DLG1: variants seen among roughly 807,000 people sequenced by gnomAD.
DLG1 encodes disks large homolog 1.
A neutral mutation model predicts 123.4 loss-of-function variants in DLG1; 42 were observed. That is an observed-to-expected ratio of 0.34 (90% confidence interval 0.27 to 0.44). DLG1 has a LOEUF of 0.44. Among genes scored for constraint, DLG1 ranks in the 20% least tolerant of loss-of-function variants. The probability of loss-of-function intolerance (pLI) is 1.00; values close to 1 mark genes in which losing one functional copy is unlikely to be tolerated. For synonymous variants in DLG1, 317 were observed against 356.2 expected (o/e 0.89, Z 1.24); for missense variants, 942 against 1,082.6 (o/e 0.87, Z 1.82).
At chr3:197,157,258 T>C (rs961935078) in intron 5 of DLG1, among the ~76,000 whole-genome samples, 5 of 152,196 alleles carry the variant, frequency 3.3e-5, no homozygotes, top group African/African-American at 7.2e-5. Flanking sequence ...ACAAATGATA[T>C]GATCTTATAT....
intron 16 of DLG1, among the ~76,000 whole-genome samples, chr3:197,083,562 G>A (rs960292950): frequency 1.3e-4 from 20 of 152,098 alleles, no homozygotes; most frequent in African/African-American, 4.8e-4. Context: ...GCACTTCACA[G>A]GCCTTAGAAG....
intron 3 of DLG1, among the ~76,000 whole-genome samples, chr3:197,293,605 G>T (rs922517036): frequency 6.4e-5 from 9 of 139,722 alleles, no homozygotes; most frequent in African/African-American, 2.4e-4. Context: ...TCAACTACAG[G>T]GGGGGACACC....
At chr3:197,072,400 A>C (rs965042829) in intron 18 of DLG1, among the ~76,000 whole-genome samples, 2 of 152,100 alleles carry the variant, frequency 1.3e-5, no homozygotes, top group Admixed American at 6.6e-5. Context: ...AATACATTAA[A>C]AGCAGGCATT....
At chr3:197,080,130 C>T (rs1749934345) in intron 17 of DLG1, among the ~76,000 whole-genome samples, 1 of 151,696 alleles carries the variant, frequency 6.6e-6, no homozygotes, top group Admixed American at 6.6e-5. Flanking sequence ...GAATTACATC[C>T]ACCAATACGG....
At chr3:197,153,307 A>T (rs1178632358) in intron 5 of DLG1, among the ~76,000 whole-genome samples, 1 of 152,220 alleles carries the variant, frequency 6.6e-6, no homozygotes, top group African/African-American at 2.4e-5. Flanking sequence ...ACACAATTTT[A>T]GTGGCAGCAT....
intron 4 of DLG1, among the ~76,000 whole-genome samples, chr3:197,205,909 C>T (rs1432673969): frequency 6.6e-6 from 1 of 152,214 alleles, no homozygotes; most frequent in East Asian, 1.9e-4. Flanking sequence ...CCACCAATGT[C>T]AGGCCAAGTC....
chr3:197,126,458 A>ACTC (rs1779166104), intron 11 of DLG1, among the ~76,000 whole-genome samples: 1 of 151,630 alleles, frequency 6.6e-6, no homozygotes, highest in East Asian at 1.9e-4. Flanking sequence ...CAAGAGCGAA[A>ACTC]CTCCATCTTA....
chr3:197,071,741 T>C (rs1744079941), intron 18 of DLG1, among the ~76,000 whole-genome samples: 1 of 152,138 alleles, frequency 6.6e-6, no homozygotes, highest in Non-Finnish European at 1.5e-5. Flanking sequence ...ACAAAGAGTG[T>C]CTCTGCCATC....
rs1306451100 is a variant in DLG1, at chr3:197,051,621, T to C, written c.2531A>G (p.Glu844Gly). The part of the protein sequence containing the change: ...LTEEQARKTF[E>G]RAMKLEQEFT... ...CTCCTGTTCCAGTTTCATGGCTCTC[T>C]CAAATGTTTTTCTGGCTTGTTCTTC... is the stretch of plus-strand genomic sequence containing the variant. The change falls in exon 24 of 25, where the codon GAG becomes GGG. Residue 844 changes from glutamate to glycine, a missense_variant. By Grantham distance (98) the Glu-to-Gly change is moderately conservative. Coordinates refer to ENST00000667157, the MANE Select transcript of DLG1 (RefSeq NM_001366207.1). 1.1e-5 allele frequency: 18 copies of C among 1,613,924 alleles called. No homozygotes were observed. The highest frequency in any genetic ancestry group is 1.3e-5 in the Non-Finnish European group (15 of 1,179,960).
chr3:197,267,753 G>A (rs1276413735), intron 4 of DLG1, among the ~76,000 whole-genome samples: 3 of 151,748 alleles, frequency 2.0e-5, no homozygotes, highest in Non-Finnish European at 4.4e-5. Flanking sequence ...TTCTTTTCCC[G>A]AGATAACCTC....
intron 10 of DLG1, among the ~76,000 whole-genome samples, chr3:197,133,448 T>C (rs1783627746): frequency 6.6e-6 from 1 of 152,222 alleles, no homozygotes; most frequent in Admixed American, 6.5e-5. Context: ...CTATCCAATC[T>C]GCAGAATTGT....
rs1007057512 is a variant in DLG1 at position 197,043,644 on chromosome 3, A to G, written c.*979T>C. On this transcript the variant is annotated 3_prime_UTR_variant, in exon 25 of 25. Coordinates refer to ENST00000667157, the MANE Select transcript of DLG1 (RefSeq NM_001366207.1). ...TAATTCCCATAGTTACAGTTTAAAGAAAGTTTTATATATATATTTATATAT... is the reference window on the plus strand; with the variant it reads ...TAATTCCCATAGTTACAGTTTAAAGGAAGTTTTATATATATATTTATATAT... 6 of 150,812 alleles carry G rather than the reference A, an allele frequency of 4.0e-5. No homozygotes were observed. Among genetic ancestry groups the G allele is most frequent in the East Asian group, 1.9e-4 (1 of 5,184 alleles). The allele number at this position is 150,812 out of a possible 1,614,324, so 9.3% of individuals were successfully genotyped here. A position where few individuals can be genotyped will look rare whatever the true frequency, so the allele number is the denominator to read the frequency against.
intron 18 of DLG1, chr3:197,069,570 C>A: frequency 5.0e-6 from 1 of 198,772 alleles, no homozygotes; most frequent in Non-Finnish European, 1.0e-5. Context: ...ACATAAAACT[C>A]AAAGGAGAAA....
chr3:197,163,977 AT>A (rs1464345344), intron 5 of DLG1, among the ~76,000 whole-genome samples: 1 of 152,208 alleles, frequency 6.6e-6, no homozygotes, highest in Non-Finnish European at 1.5e-5. Flanking sequence ...CCAATAAAAA[AT>A]ATTCCAAAAA....
At chr3:197,092,866 C>T (rs894901353) in intron 14 of DLG1, among the ~76,000 whole-genome samples, 1 of 152,126 alleles carries the variant, frequency 6.6e-6, no homozygotes, top group African/African-American at 2.4e-5. Context: ...CAAGTGGATA[C>T]ACATTTAGAT....
Position 197,194,558 on chromosome 3 carries a change from G to A in DLG1, c.350C>T (p.Pro117Leu), listed in dbSNP as rs1273217820. ...KYRYQDEDTPPQEHISPQITN... is the reference protein window; with the variant it reads ...KYRYQDEDTPLQEHISPQITN... ...GATTTGTGGGGAAATATGCTCTTGA[G>A]GAGGTGTATCTTCATCCTGATACCT... Residue 117 changes from proline (P) to leucine (L), a missense_variant, in exon 5 of 25, where the codon CCT becomes CTT. Transcript: ENST00000667157. 2 of 1,604,098 alleles carry A rather than the reference G, an allele frequency of 1.2e-6. No homozygotes were observed. The highest frequency in any genetic ancestry group is 8.5e-7 in the Non-Finnish European group (1 of 1,176,352).
intron 13 of DLG1, among the ~76,000 whole-genome samples, chr3:197,106,070 A>G (rs1766156974): frequency 6.6e-6 from 1 of 152,208 alleles, no homozygotes; most frequent in Admixed American, 6.5e-5. Context: ...CTGATGTTTT[A>G]TATTATCTAA....
chr3:197,178,050 A>G lies in DLG1; in HGVS notation c.483+16375T>C, dbSNP rs568945152. 1.2e-4 allele frequency among the ~76,000 whole-genome samples: 19 copies of G among 152,278 alleles called. 1 individual carries two copies. The South Asian group carries it at 3.5e-3, about 28-fold the overall frequency. On this transcript the variant is annotated intron_variant, in intron 5 of 24. Coordinates refer to ENST00000667157, the MANE Select transcript of DLG1 (RefSeq NM_001366207.1). ...TCACAGAAACTGAGGATACAACAAT[A>G]AACATAACAGAAAAATCCCACCCAC...
intron 6 of DLG1, among the ~76,000 whole-genome samples, chr3:197,147,265 T>C (rs1791283387): frequency 2.0e-5 from 3 of 152,238 alleles, no homozygotes. Context: ...GATCTACCGT[T>C]TGATCCAGCA....
Sources: gnomAD v4.1 joint callset for allele counts (sites outside exome capture counted in the v4.1 genomes callset) on GRCh38, gnomAD v4.1.1 for gene constraint, MANE v1.5 for transcripts, NCBI Gene and HGNC (gene_info 2026-07-23, HGNC 2026-07-21) for gene names.